The following BLK variants were observed in gnomAD, a reference collection of about 807,000 sequenced individuals.
BLK encodes the protein BLK proto-oncogene, Src family tyrosine kinase, also known as tyrosine-protein kinase Blk.
In BLK, 64 loss-of-function variants were observed where a neutral mutation model predicts 61.8. The observed-to-expected ratio is 1.03, with a 90% CI of 0.85 to 1.27. The LOEUF is 1.27. BLK is among the 50% of genes most tolerant of loss of function. BLK has a pLI of 0.00. For missense variants in BLK, 853 were observed against 660.5 expected (o/e 1.29, Z -3.19); for synonymous variants, 351 against 272.0 (o/e 1.29, Z -2.86).
chr8:11,525,927 C>T (rs1799636228), intron 1 of BLK, among the ~76,000 whole-genome samples: 1 of 152,014 alleles, frequency 6.6e-6, no homozygotes, highest in African/African-American at 2.4e-5. Context: ...GTATTTTTAG[C>T]AGAGACAGGG....
chr8:11,553,492 AG>A (rs1563118008), intron 6 of BLK: 1 of 379,312 alleles, frequency 2.6e-6, no homozygotes, highest in South Asian at 2.0e-5. Flanking sequence ...CAGGCAAGTG[AG>A]GGGTCTAAAG....
chr8:11,527,817 C>T (rs1470932420), intron 1 of BLK, among the ~76,000 whole-genome samples: 1 of 151,708 alleles, frequency 6.6e-6, no homozygotes, highest in Non-Finnish European at 1.5e-5. Context: ...TTAGGTTCTG[C>T]AATAGTGATG....
rs1007905229 is a variant in BLK, at chr8:11,555,498, C to T, written c.772+14C>T. ...AAGTCTGGATGGGTGAGTGTGTGCA[C>T]ACGTGGGAGCATTTCTCCCCCCATT... On this transcript the variant is annotated intron_variant, in intron 8 of 12. Coordinates refer to ENST00000259089, the MANE Select transcript of BLK (RefSeq NM_001715.3). The T allele has an allele frequency of 1.9e-6, 3 of 1,613,944 alleles. No individual in the cohort carries two copies. Among genetic ancestry groups the T allele is most frequent in the South Asian group, 1.1e-5 (1 of 91,086 alleles).
rs779861022 is a variant in BLK at position 11,555,473 on chromosome 8, A to C, written c.761A>C (p.Glu254Ala). The stretch of plus-strand genomic sequence containing the variant: ...AAACTCGGGTCTGGACAATTCGGCG[A>C]AGTCTGGATGGGTGAGTGTGTGCAC... ...VRKLGSGQFG[E>A]VWMGYYKNNM... Residue 254 changes from glutamate to alanine, a missense_variant, in exon 8 of 13, where the codon GAA (glutamate) becomes GCA (alanine). Physicochemically the swap from Glu to Ala is moderately radical, Grantham distance 107. Transcript: ENST00000259089. 6.2e-7 allele frequency: 1 copy of C among 1,614,102 alleles called. No homozygotes were observed. The highest frequency in any genetic ancestry group is 1.1e-5 in the South Asian group (1 of 91,080).
In BLK at chr8:11,561,201, T is replaced by TG. The variant is rs769000604; in HGVS notation, c.1030-101_1030-100insG. 42 of 1,494,196 alleles carry TG rather than the reference T, an allele frequency of 2.8e-5. No individual in the cohort carries two copies. The African/African-American group carries it at 5.1e-4, about 18-fold the overall frequency. The allele number at this position is 1,494,196 out of a possible 1,614,324, so 92.6% of individuals were successfully genotyped here. ...TCTACTCCATCCAAGAAACAGCTCC[T>TG]TCCCCAGCAGCCCACAGGGGCTGTG... On this transcript the variant is annotated intron_variant, in intron 10 of 12. Transcript: ENST00000259089.
chr8:11,497,408 T>C lies in BLK; in HGVS notation c.-2+2817T>C, dbSNP rs190479841. ...TAGGCAACTTGCATTTGCTCTGACG[T>C]CCAGGGCAGGTGCGAATGTCTCCTC... On this transcript the variant is annotated intron_variant, in intron 1 of 12. Transcript: ENST00000259089. 2.3e-3 allele frequency among the ~76,000 whole-genome samples: 354 copies of C among 152,196 alleles called. 2 individuals carry two copies. The highest frequency in any genetic ancestry group is 8.1e-3 in the African/African-American group (337 of 41,536).
chr8:11,521,854 A>T (rs1472412847), intron 1 of BLK, among the ~76,000 whole-genome samples: 2 of 149,216 alleles, frequency 1.3e-5, no homozygotes, highest in Non-Finnish European at 3.0e-5. Context: ...CTAGGAGGGG[A>T]CTCCTCTCTA....
intron 6 of BLK, chr8:11,553,677 C>G (rs924479215): frequency 6.0e-6 from 1 of 167,484 alleles, no homozygotes; most frequent in Non-Finnish European, 1.3e-5. Context: ...CGGGCAGGGT[C>G]GGGGAGACAG....
rs1799073294 is a variant in BLK, at chr8:11,512,914, G to GC, written c.-2+18324dup. Among the ~76,000 whole-genome samples the GC allele has an allele frequency of 1.3e-5, 2 of 152,176 alleles. 1 individual carries two copies. Among genetic ancestry groups the GC allele is most frequent in the Admixed American group, 1.3e-4 (2 of 15,280 alleles). ...ACTCCTGACCTCAAGTGATCTGCCC[G>GC]CTTCGGCCTCCCAGACTGCTGGGAT... On this transcript the variant is annotated intron_variant, in intron 1 of 12. Transcript: ENST00000259089.
At chr8:11,510,738 C>A (rs1326829023) in intron 1 of BLK, among the ~76,000 whole-genome samples, 3 of 151,826 alleles carry the variant, frequency 2.0e-5, no homozygotes, top group African/African-American at 7.3e-5. Context: ...GGGATAGCGC[C>A]ACTGTACTCC....
intron 11 of BLK, among the ~76,000 whole-genome samples, chr8:11,561,959 C>T (rs1418476457): frequency 6.6e-6 from 1 of 152,090 alleles, no homozygotes; most frequent in African/African-American, 2.4e-5. Context: ...GTTGGGATTA[C>T]AGGCGTGTGC....
rs922370944 is a variant in BLK, at chr8:11,563,815, G to T, written c.1313-88G>T. ...GTGGGCACTGCTGTCCCTTGCCTGG[G>T]CCCACTGTGCCCCGCGGGACGCTCA... On this transcript the variant is annotated intron_variant, in intron 12 of 12. Coordinates refer to ENST00000259089, the MANE Select transcript of BLK (RefSeq NM_001715.3). 12 of 1,313,392 alleles carry T rather than the reference G, an allele frequency of 9.1e-6. No homozygotes were observed. In the Admixed American group the frequency reaches 1.9e-4, roughly 21 times the overall value. The allele number at this position is 1,313,392 out of a possible 1,614,324, so 81.4% of individuals were successfully genotyped here.
intron 1 of BLK, among the ~76,000 whole-genome samples, chr8:11,522,989 A>T (rs1799514206): frequency 6.6e-6 from 1 of 152,208 alleles, no homozygotes; most frequent in South Asian, 2.1e-4. Context: ...AGAGGAAAAA[A>T]AGAGAAGGAA....
intron 10 of BLK, among the ~76,000 whole-genome samples, chr8:11,559,391 A>G (rs1460011877): frequency 9.9e-6 from 1 of 101,402 alleles, no homozygotes; most frequent in Non-Finnish European, 2.3e-5. Context: ...ACTCACACAC[A>G]GACAGACACA....
chr8:11,548,285 G>T (rs1284465072), intron 4 of BLK, among the ~76,000 whole-genome samples, 160 bp downstream of exon 4: 1 of 151,728 alleles, frequency 6.6e-6, no homozygotes, highest in Non-Finnish European at 1.5e-5. Flanking sequence ...TGGCCCTTTT[G>T]TCTTCCTCTC....
At chr8:11,561,206 C>T in intron 10 of BLK, 96 bp from the exon 11 acceptor site, 3 of 1,512,520 alleles carry the variant, frequency 2.0e-6, no homozygotes, top group East Asian at 2.4e-5. Flanking sequence ...GCTCCTTCCC[C>T]AGCAGCCCAC....
In BLK at chr8:11,531,328, A is replaced by G. The variant is rs142559539; in HGVS notation, c.-1-11896A>G. On this transcript the variant is annotated intron_variant, in intron 1 of 12. Transcript: ENST00000259089. ...TAATTTTGAAAAGTCTAATTTATCAATTTTTCTTGTATACTTTATGATCTT... is the reference window on the plus strand; with the variant it reads ...TAATTTTGAAAAGTCTAATTTATCAGTTTTTCTTGTATACTTTATGATCTT... Among the ~76,000 whole-genome samples the G allele has an allele frequency of 5.3e-3, 803 of 152,132 alleles. 3 individuals are homozygous for G. Among genetic ancestry groups the G allele is most frequent in the African/African-American group, 0.018 (757 of 41,496 alleles).
Position 11,561,452 on chromosome 8 carries a change from G to A in BLK, c.1180G>A (p.Gly394Arg), listed in dbSNP as rs756299584. ...IIDSEYTAQE[G>R]AKFPIKWTAP... The stretch of plus-strand genomic sequence containing the variant: ...CGACAGTGAATACACGGCCCAAGAG[G>A]GTAAGCACAGCCCCTAACCACAAGG... Residue 394 changes from glycine to arginine, a missense_variant and splice_region_variant, in exon 11 of 13, where the codon GGG (glycine) becomes AGG (arginine). By Grantham distance (125) the Gly-to-Arg change is moderately radical (BLOSUM62 -2). Coordinates refer to ENST00000259089, the MANE Select transcript of BLK (RefSeq NM_001715.3). 2 of 1,613,626 alleles carry A rather than the reference G, an allele frequency of 1.2e-6. No homozygotes were observed. The highest frequency in any genetic ancestry group is 1.7e-6 in the Non-Finnish European group (2 of 1,179,848).
At chr8:11,511,262 G>C (rs1798994049) in intron 1 of BLK, among the ~76,000 whole-genome samples, 1 of 152,146 alleles carries the variant, frequency 6.6e-6, no homozygotes, top group Non-Finnish European at 1.5e-5. Context: ...ATGGACACAG[G>C]AAGGGGAACA....
Sources: gnomAD v4.1 joint callset for allele counts (sites outside exome capture counted in the v4.1 genomes callset) on GRCh38, gnomAD v4.1.1 for gene constraint, MANE v1.5 for transcripts, NCBI Gene and HGNC (gene_info 2026-07-23, HGNC 2026-07-21) for gene names.